The following PLEKHA5 variants were observed in gnomAD, a reference collection of about 807,000 sequenced individuals.
PLEKHA5 encodes the protein pleckstrin homology domain-containing family A member 5.
PLEKHA5 carries 55 observed loss-of-function variants against 181.9 expected under a neutral mutation model. The ratio of observed to expected loss-of-function variants is 0.30; its 90% CI spans 0.24 to 0.38. The LOEUF (loss-of-function observed/expected upper bound fraction) is 0.38, where lower values mean the gene tolerates loss of function less well. Among genes scored for constraint, PLEKHA5 ranks in the 10% least tolerant of loss-of-function variants. PLEKHA5 has a pLI of 1.00. For synonymous variants in PLEKHA5, 535 were observed against 529.4 expected (o/e 1.01, Z -0.15); for missense variants, 1,432 against 1,549.5 (o/e 0.92, Z 1.27).
chr12:19,280,232 G>A (rs542375649), intron 11 of PLEKHA5, among the ~76,000 whole-genome samples: 2 of 151,772 alleles, frequency 1.3e-5, no homozygotes, highest in African/African-American at 2.4e-5. Context: ...TCTAGTTTTT[G>A]TAGAGACGGG....
chr12:19,294,251 T>G (rs533577632), intron 15 of PLEKHA5, among the ~76,000 whole-genome samples: 172 of 152,250 alleles, frequency 1.1e-3, no homozygotes, highest in African/African-American at 4.1e-3. Context: ...TATTAAAAAT[T>G]TATGATTTAG....
chr12:19,200,528 C>T (rs1021278420), intron 3 of PLEKHA5: 4 of 1,340,192 alleles, frequency 3.0e-6, no homozygotes, highest in African/African-American at 2.9e-5. Context: ...TTACTCACCT[C>T]AGAATGCTTG....
rs150426967 is a variant in PLEKHA5 at position 19,221,560 on chromosome 12, G to A, written c.228-32380G>A. On this transcript the variant is annotated intron_variant, in intron 3 of 31. Transcript: ENST00000429027. ...TATGACACTGTAATTATGTTCATGC[G>A]ACACTGTCTGTCAAAACCCATTGAA... 3.1e-3 allele frequency among the ~76,000 whole-genome samples: 470 copies of A among 152,192 alleles called. 3 individuals are homozygous for A. The highest frequency in any genetic ancestry group is 0.01 in the African/African-American group (431 of 41,514).
At chr12:19,321,360 CT>C (rs1158507411) in intron 18 of PLEKHA5, among the ~76,000 whole-genome samples, 125 of 24,204 alleles carry the variant, frequency 5.2e-3, no homozygotes, top group Non-Finnish European at 7.6e-3. Context: ...CTTTTCTTTT[CT>C]TTTTTTTTTT....
chr12:19,357,254 CTTTT>C (rs5796799), intron 26 of PLEKHA5, among the ~76,000 whole-genome samples: 2 of 96,126 alleles, frequency 2.1e-5, no homozygotes, highest in African/African-American at 3.4e-5. Flanking sequence ...TCTTTATATT[CTTTT>C]TTTTTTTTTT....
chr12:19,287,411 C>A (rs2077455516), intron 12 of PLEKHA5, 62 bp from the exon 13 acceptor site: 1 of 890,136 alleles, frequency 1.1e-6, no homozygotes, highest in Admixed American at 2.0e-5. Context: ...TTTCTCCTTG[C>A]TGACATTGAT....
intron 3 of PLEKHA5, among the ~76,000 whole-genome samples, chr12:19,140,800 C>A (rs1756019887): frequency 6.6e-6 from 1 of 152,052 alleles, no homozygotes; most frequent in Non-Finnish European, 1.5e-5. Context: ...AAACTATTTT[C>A]TTTTTGGAGA....
intron 15 of PLEKHA5, among the ~76,000 whole-genome samples, chr12:19,294,927 A>C (rs994682823): frequency 3.3e-5 from 5 of 152,206 alleles, no homozygotes; most frequent in African/African-American, 9.6e-5. Context: ...TAAAAATAAC[A>C]ATAGATATAC....
intron 11 of PLEKHA5, 123 bp from the exon 12 acceptor site, chr12:19,283,149 CAAAAAAAA>C (rs34391812): frequency 3.6e-4 from 73 of 204,080 alleles, no homozygotes; most frequent in South Asian, 3.2e-3. Context: ...TCTTGTCTCC[CAAAAAAAA>C]AAAAAAAAAA....
intron 3 of PLEKHA5, among the ~76,000 whole-genome samples, chr12:19,160,126 A>G (rs938449441): frequency 6.6e-6 from 1 of 152,082 alleles, no homozygotes; most frequent in African/African-American, 2.4e-5. Context: ...ATTTTTTAGT[A>G]TGTATTAAGT....
rs1190039564 is a variant in PLEKHA5 at position 19,173,458 on chromosome 12, TC to T, written c.227+41010del. Among the ~76,000 whole-genome samples, 7 of 37,106 alleles carry T rather than the reference TC, an allele frequency of 1.9e-4. No individual in the cohort carries two copies. The Admixed American group carries it at 2.7e-3, about 14-fold the overall frequency. The allele number at this position is 37,106 out of a possible 152,430, so 24.3% of individuals were successfully genotyped here. Reference sequence around the variant, plus strand: ...CATCAGAATAGTAAAGAAAGGATTCTCCAAAAAAAAAAATGTGCTCCATTAT... The same window carrying T: ...CATCAGAATAGTAAAGAAAGGATTCTCAAAAAAAAAAATGTGCTCCATTAT... On this transcript the variant is annotated intron_variant, in intron 3 of 31. Transcript: ENST00000429027.
intron 15 of PLEKHA5, among the ~76,000 whole-genome samples, chr12:19,292,434 A>C (rs1221590425): frequency 6.6e-6 from 1 of 152,008 alleles, no homozygotes; most frequent in South Asian, 2.1e-4. Context: ...AGAAAGAGAG[A>C]GAGGGAGGGA....
intron 15 of PLEKHA5, among the ~76,000 whole-genome samples, chr12:19,296,126 T>C (rs961854964): frequency 6.6e-6 from 1 of 151,032 alleles, no homozygotes; most frequent in African/African-American, 2.4e-5. Flanking sequence ...CTCAGCTACT[T>C]GGGAGGCTGA....
intron 7 of PLEKHA5, 54 bp from the exon 8 acceptor site, chr12:19,265,696 C>T: frequency 9.9e-7 from 1 of 1,013,816 alleles, no homozygotes; most frequent in Non-Finnish European, 1.5e-6. Context: ...TCTTGAAAAA[C>T]TTTGCTTCAT....
intron 25 of PLEKHA5, among the ~76,000 whole-genome samples, chr12:19,353,623 C>A (rs753095731): frequency 1.3e-5 from 2 of 152,054 alleles, no homozygotes; most frequent in South Asian, 4.1e-4. Flanking sequence ...CCACGCCCAT[C>A]TAATTTTGTA....
At chr12:19,232,897 G>T (rs1003702973) in intron 3 of PLEKHA5, among the ~76,000 whole-genome samples, 1 of 152,080 alleles carries the variant, frequency 6.6e-6, no homozygotes, top group Non-Finnish European at 1.5e-5. Context: ...TACCCATGTC[G>T]ATTGTCTTCC....
At chr12:19,367,504 C>G (rs1301954887) in intron 30 of PLEKHA5, among the ~76,000 whole-genome samples, 1 of 151,806 alleles carries the variant, frequency 6.6e-6, no homozygotes, top group Non-Finnish European at 1.5e-5. Context: ...ATCCACCCAC[C>G]TCAGCTTCCC....
chr12:19,136,466 A>T (rs1420556506), intron 3 of PLEKHA5, among the ~76,000 whole-genome samples: 2 of 152,234 alleles, frequency 1.3e-5, no homozygotes, highest in African/African-American at 4.8e-5. Flanking sequence ...TAGCCCATAA[A>T]GCACAGAAGA....
Position 19,130,030 on chromosome 12 carries a change from C to T in PLEKHA5, c.90-21C>T. ...CGTCCCCTCTCACGCTCCGTGTCTGCCCCTTCTCTCACCCCTGCAGCGAGG... is the reference window on the plus strand; with the variant it reads ...CGTCCCCTCTCACGCTCCGTGTCTGTCCCTTCTCTCACCCCTGCAGCGAGG... On this transcript the variant is annotated intron_variant, in intron 1 of 31. Transcript: ENST00000429027. The surrounding 1 kb of genome is among the most constrained non-coding windows in gnomAD (Gnocchi z 4.5). 3 of 1,562,826 alleles carry T rather than the reference C, an allele frequency of 1.9e-6. No individual in the cohort carries two copies. In the South Asian group the frequency reaches 3.5e-5, roughly 18 times the overall value.
Sources: allele counts gnomAD v4.1 joint callset (sites outside exome capture counted in the v4.1 genomes callset), GRCh38; gene constraint gnomAD v4.1.1; non-coding constraint Gnocchi (gnomAD v3.1); transcripts MANE v1.5; gene names NCBI Gene and HGNC (gene_info 2026-07-23, HGNC 2026-07-21).